The following ANXA2 variants were observed in gnomAD, a reference collection of about 807,000 sequenced individuals.
The protein encoded by ANXA2 is annexin II.
In ANXA2, 28 loss-of-function variants were observed where a neutral mutation model predicts 47.3. That is an observed-to-expected ratio of 0.59 (90% confidence interval 0.44 to 0.81). ANXA2 has a LOEUF of 0.81. Ranked by LOEUF, ANXA2 falls within the 40% of genes least tolerant of loss-of-function variation. The pLI is 0.00. For synonymous variants in ANXA2, 172 were observed against 155.5 expected (o/e 1.11, Z -0.79); for missense variants, 384 against 414.3 (o/e 0.93, Z 0.64).
chr15:60,360,841 G>A (rs2062501586), intron 5 of ANXA2, 100 bp downstream of exon 5: 2 of 763,642 alleles, frequency 2.6e-6, no homozygotes, highest in African/African-American at 3.5e-5. Flanking sequence ...TTCCAAATGA[G>A]AATTCAACAA....
chr15:60,371,873 C>T (rs1055165024), intron 3 of ANXA2, among the ~76,000 whole-genome samples: 5 of 152,140 alleles, frequency 3.3e-5, no homozygotes, highest in Admixed American at 6.5e-5. Flanking sequence ...AACCTTTTGC[C>T]GGGCGCGGTG....
intron 3 of ANXA2, among the ~76,000 whole-genome samples, chr15:60,382,056 GGGA>G: frequency 1.2e-5 from 1 of 84,218 alleles, no homozygotes; most frequent in Non-Finnish European, 2.7e-5. Context: ...AGGGAGGGGA[GGGA>G]GGGAGGGAGG....
At chr15:60,381,158 A>G (rs1383080293) in intron 3 of ANXA2, among the ~76,000 whole-genome samples, 1 of 152,232 alleles carries the variant, frequency 6.6e-6, no homozygotes, top group East Asian at 1.9e-4. Flanking sequence ...TCCTAGTTAT[A>G]GGTTCCCAGG....
intron 1 of ANXA2, chr15:60,397,230 C>G: frequency 2.1e-6 from 2 of 967,348 alleles, no homozygotes; most frequent in Non-Finnish European, 2.5e-6. Flanking sequence ...CAGGACAACC[C>G]TCCCCACAGA....
Position 60,378,991 on chromosome 15 carries a change from A to C in ANXA2, c.148+3351T>G, listed in dbSNP as rs144683346. ...CAATATATATATAAATAAGTAAATA[A>C]ATAAATAGGCCAGGCGCGGTGGCTC... On this transcript the variant is annotated intron_variant, in intron 3 of 12. Coordinates refer to ENST00000451270, the MANE Select transcript of ANXA2 (RefSeq NM_004039.3). 6.9e-4 allele frequency among the ~76,000 whole-genome samples: 105 copies of C among 151,304 alleles called. 3 individuals carry two copies. In the East Asian group the frequency reaches 0.02, roughly 29 times the overall value.
At chr15:60,383,827 A>G (rs1454281359) in intron 2 of ANXA2, 2 of 151,984 alleles carry the variant, frequency 1.3e-5, no homozygotes, top group Non-Finnish European at 2.9e-5. Context: ...ACCCACAGGC[A>G]TCACATTATA....
At chr15:60,351,105 C>G (rs993852467) in intron 11 of ANXA2, 88 bp downstream of exon 11, 1 of 1,412,146 alleles carries the variant, frequency 7.1e-7, no homozygotes, top group Admixed American at 1.7e-5. Context: ...CCCCTTCCTC[C>G]ATCCATGAAT....
intron 1 of ANXA2, among the ~76,000 whole-genome samples, chr15:60,388,735 CTTT>C (rs1162065382): frequency 2.2e-5 from 3 of 134,002 alleles, no homozygotes; most frequent in Non-Finnish European, 3.2e-5. Flanking sequence ...ACACCTAGAC[CTTT>C]TTTTTTTTTT....
intron 12 of ANXA2, 126 bp downstream of exon 12, chr15:60,348,949 A>T: frequency 1.9e-6 from 2 of 1,054,868 alleles, no homozygotes; most frequent in Non-Finnish European, 2.8e-6. Flanking sequence ...GTTGATGACT[A>T]GCATCTCTTC....
At chr15:60,372,387 G>A (rs1358026406) in intron 3 of ANXA2, among the ~76,000 whole-genome samples, 1 of 152,112 alleles carries the variant, frequency 6.6e-6, no homozygotes, top group Non-Finnish European at 1.5e-5. Context: ...TAAAGACCCT[G>A]GCTCACTGCA....
chr15:60,391,676 G>A (rs1488714864), intron 1 of ANXA2, among the ~76,000 whole-genome samples: 1 of 152,126 alleles, frequency 6.6e-6, no homozygotes, highest in African/African-American at 2.4e-5. Context: ...TGTACTTACT[G>A]TTTTGAATGA....
At chr15:60,358,862 G>C (rs529098177) in intron 5 of ANXA2, among the ~76,000 whole-genome samples, 1 of 152,336 alleles carries the variant, frequency 6.6e-6, no homozygotes, top group East Asian at 1.9e-4. Context: ...AAGACAGGCA[G>C]AATAATGTAA....
intron 7 of ANXA2, 174 bp downstream of exon 7, chr15:60,355,745 C>G: frequency 1.4e-6 from 1 of 691,190 alleles, no homozygotes; most frequent in South Asian, 1.5e-5. Context: ...GATAAGAAAT[C>G]CTATTATACA....
chr15:60,374,617 A>G (rs2062753335), intron 3 of ANXA2: 2 of 455,998 alleles, frequency 4.4e-6, no homozygotes, highest in Non-Finnish European at 8.8e-6. Flanking sequence ...GCTGATGCTT[A>G]CAATTAGAAA....
At chr15:60,363,268 T>G (rs11071521) in intron 4 of ANXA2, among the ~76,000 whole-genome samples, 120,150 of 152,030 alleles carry the variant, frequency 0.79, 47,902 homozygotes, top group African/African-American at 0.87. Context: ...ATTAATACAC[T>G]TCTAGTGAAA....
chr15:60,390,416 G>T (rs2062993263), intron 1 of ANXA2: 1 of 542,744 alleles, frequency 1.8e-6, no homozygotes. Context: ...TAAGAAGTGT[G>T]GCAAGCACCA....
At chr15:60,356,777 A>C (rs1332253255) in intron 6 of ANXA2, among the ~76,000 whole-genome samples, 1 of 152,230 alleles carries the variant, frequency 6.6e-6, no homozygotes, top group Non-Finnish European at 1.5e-5. Flanking sequence ...AATTATCCAC[A>C]GTCCAGAGTT....
At chr15:60,349,505 T>C (rs940653877) in intron 11 of ANXA2, among the ~76,000 whole-genome samples, 2 of 152,172 alleles carry the variant, frequency 1.3e-5, no homozygotes, top group Non-Finnish European at 2.9e-5. Context: ...TATTTCATCA[T>C]ATATATGCAA....
At chr15:60,367,184 C>T (rs1372078921) in intron 3 of ANXA2, among the ~76,000 whole-genome samples, 6 of 62,480 alleles carry the variant, frequency 9.6e-5, no homozygotes, top group African/African-American at 3.2e-4. Flanking sequence ...GTCAGCCCCC[C>T]GTCCGGCCAG....
Sources: allele counts gnomAD v4.1 joint callset (sites outside exome capture counted in the v4.1 genomes callset), GRCh38; gene constraint gnomAD v4.1.1; transcripts MANE v1.5; gene names NCBI Gene and HGNC (gene_info 2026-07-23, HGNC 2026-07-21).